Variants in CHRM3 observed in about 807,000 individuals in gnomAD.
The protein encoded by CHRM3 is cholinergic receptor muscarinic 3.
CHRM3 carries 11 observed loss-of-function variants against 41.8 expected under a neutral mutation model. The ratio of observed to expected loss-of-function variants is 0.26; its 90% CI spans 0.17 to 0.44. The LOEUF (loss-of-function observed/expected upper bound fraction) is 0.44. Ranked by LOEUF, CHRM3 falls within the 20% of genes least tolerant of loss-of-function variation. The pLI is 1.00. For synonymous variants in CHRM3, 297 were observed against 301.4 expected (o/e 0.99, Z 0.15); for missense variants, 571 against 745.4 (o/e 0.77, Z 2.72).
chr1:239,808,432 T>G (rs1045975210), intron 5 of CHRM3, among the ~76,000 whole-genome samples: 5 of 152,148 alleles, frequency 3.3e-5, no homozygotes, highest in African/African-American at 4.8e-5. Context: ...AGAATGACAC[T>G]GTGGGTAAGG....
intron 1 of CHRM3, among the ~76,000 whole-genome samples, chr1:239,402,964 A>C (rs1660105442): frequency 6.6e-6 from 1 of 152,032 alleles, no homozygotes; most frequent in Non-Finnish European, 1.5e-5. Flanking sequence ...TTTTTTCTGG[A>C]ATATTTTTGA....
Position 239,909,095 on chromosome 1 carries a change from C to T in CHRM3, c.1644C>T (p.Asn548=). ...ACCCCGTGTGCTATGCTCTGTGCAA[C>T]AAAACATTCAGAACCACTTTCAAGA... ...TVNPVCYALC[N]KTFRTTFKML... is the part of the protein sequence containing the mutation. The change falls in exon 7 of 7, where the codon AAC becomes AAT. Residue 548 remains asparagine, a synonymous_variant. Coordinates refer to ENST00000676153, the MANE Select transcript of CHRM3 (RefSeq NM_001375978.1). 1 of 1,614,114 alleles carries T rather than the reference C, an allele frequency of 6.2e-7. No homozygotes were observed. Among genetic ancestry groups the T allele is most frequent in the Non-Finnish European group, 8.5e-7 (1 of 1,180,040 alleles).
At chr1:239,575,029 T>C (rs1055322259) in intron 3 of CHRM3, among the ~76,000 whole-genome samples, 2 of 152,200 alleles carry the variant, frequency 1.3e-5, no homozygotes, top group African/African-American at 2.4e-5. Context: ...GATTTTATAG[T>C]GGTAGAATCT....
chr1:239,763,095 T>C (rs1481874528), intron 5 of CHRM3, among the ~76,000 whole-genome samples: 6 of 152,210 alleles, frequency 3.9e-5, no homozygotes, highest in African/African-American at 1.2e-4. Context: ...GGAAATCTTA[T>C]TCCCTTTTTC....
At chr1:239,587,331 A>G (rs1572804702) in intron 3 of CHRM3, among the ~76,000 whole-genome samples, 1 of 152,304 alleles carries the variant, frequency 6.6e-6, no homozygotes, top group East Asian at 1.9e-4. Flanking sequence ...AAAGCCACAT[A>G]CAGGCCAGCC....
chr1:239,634,966 A>G (rs536110495), intron 4 of CHRM3, among the ~76,000 whole-genome samples: 14 of 152,328 alleles, frequency 9.2e-5, no homozygotes, highest in African/African-American at 3.4e-4. Flanking sequence ...ATAATAGCTT[A>G]CCTCCTTGGG....
chr1:239,756,874 G>A (rs1162040855), intron 5 of CHRM3, among the ~76,000 whole-genome samples: 1 of 151,992 alleles, frequency 6.6e-6, no homozygotes, highest in African/African-American at 2.4e-5. Context: ...TAATAATTTT[G>A]CACAGAGGTA....
intron 5 of CHRM3, among the ~76,000 whole-genome samples, chr1:239,746,999 G>T (rs1015303968): frequency 1.3e-5 from 2 of 151,766 alleles, no homozygotes; most frequent in African/African-American, 4.8e-5. Flanking sequence ...CTCGTGATCC[G>T]CCCGCCTCAG....
At chr1:239,573,064 G>A (rs1049451434) in intron 3 of CHRM3, among the ~76,000 whole-genome samples, 2 of 152,118 alleles carry the variant, frequency 1.3e-5, no homozygotes, top group Non-Finnish European at 2.9e-5. Flanking sequence ...CTAGTACTTA[G>A]GTGTACACAT....
At chr1:239,895,395 G>A (rs920793532) in intron 6 of CHRM3, among the ~76,000 whole-genome samples, 1 of 152,090 alleles carries the variant, frequency 6.6e-6, no homozygotes, top group Admixed American at 6.6e-5. Context: ...ACTGCTCATC[G>A]GACACAACCT....
intron 5 of CHRM3, among the ~76,000 whole-genome samples, chr1:239,730,046 C>A (rs982928231): frequency 2.6e-5 from 4 of 151,852 alleles, no homozygotes; most frequent in Non-Finnish European, 5.9e-5. Context: ...TTTATTAAGC[C>A]AGGCTTTAAT....
chr1:239,688,553 A>G (rs1413306368), intron 5 of CHRM3, among the ~76,000 whole-genome samples: 1 of 137,296 alleles, frequency 7.3e-6, no homozygotes, highest in Non-Finnish European at 1.5e-5. Flanking sequence ...ATTTATTTAT[A>G]TAACATATAT....
chr1:239,582,641 T>G (rs568283622), intron 3 of CHRM3, among the ~76,000 whole-genome samples: 1 of 152,102 alleles, frequency 6.6e-6, no homozygotes, highest in Non-Finnish European at 1.5e-5. Flanking sequence ...CTGAACACGG[T>G]GTTTCCTCCC....
intron 5 of CHRM3, among the ~76,000 whole-genome samples, chr1:239,743,941 C>A (rs1309413639): frequency 2.0e-5 from 3 of 150,286 alleles, no homozygotes; most frequent in African/African-American, 7.3e-5. Context: ...ACTACAGGTG[C>A]ACACCACCAT....
intron 6 of CHRM3, among the ~76,000 whole-genome samples, chr1:239,869,769 G>A (rs1312374753): frequency 2.0e-5 from 3 of 152,198 alleles, no homozygotes; most frequent in Non-Finnish European, 4.4e-5. Flanking sequence ...CTCCTGTAGG[G>A]AGAAGCTGCG....
intron 1 of CHRM3, among the ~76,000 whole-genome samples, chr1:239,418,191 C>T (rs1661657833): frequency 6.6e-6 from 1 of 152,188 alleles, no homozygotes; most frequent in African/African-American, 2.4e-5. Flanking sequence ...TCTGAAGACC[C>T]AGCACTGCTA....
chr1:239,396,498 A>G (rs1659491773), intron 1 of CHRM3, among the ~76,000 whole-genome samples: 1 of 152,060 alleles, frequency 6.6e-6, no homozygotes, highest in Non-Finnish European at 1.5e-5. Context: ...CTGTAGTCTC[A>G]GCTATATGGG....
intron 1 of CHRM3, among the ~76,000 whole-genome samples, chr1:239,449,837 G>A (rs554872527): frequency 9.2e-5 from 14 of 152,030 alleles, no homozygotes; most frequent in African/African-American, 3.1e-4. Flanking sequence ...AAGAGACATA[G>A]GTTTGGAAGA....
In CHRM3 at chr1:239,633,141, T is replaced by G. The variant is rs1197491164; in HGVS notation, c.-250+855T>G. Reference sequence around the variant, plus strand: ...GCGCTGCCACCATGCCTGGCTAATTTTTTGTATTTTCAGTAGAGATGGGGT... The same window carrying G: ...GCGCTGCCACCATGCCTGGCTAATTGTTTGTATTTTCAGTAGAGATGGGGT... On this transcript the variant is annotated intron_variant, in intron 4 of 6. Transcript: ENST00000676153. 2.6e-5 allele frequency among the ~76,000 whole-genome samples: 4 copies of G among 152,166 alleles called. No homozygotes were observed. In the East Asian group the frequency reaches 7.8e-4, roughly 30 times the overall value.
Sources: allele counts gnomAD v4.1 joint callset (sites outside exome capture counted in the v4.1 genomes callset), GRCh38; gene constraint gnomAD v4.1.1; transcripts MANE v1.5; gene names NCBI Gene and HGNC (gene_info 2026-07-23, HGNC 2026-07-21).